RNASEH2B: variants seen among roughly 807,000 people sequenced by gnomAD.
The protein encoded by RNASEH2B is Aicardi-Goutieres syndrome 2 protein.
RNASEH2B carries 36 observed loss-of-function variants against 45.0 expected under a neutral mutation model. The ratio of observed to expected loss-of-function variants is 0.80; its 90% CI spans 0.61 to 1.06. The LOEUF (loss-of-function observed/expected upper bound fraction) is 1.06. RNASEH2B is among the 50% of genes least tolerant of loss of function. The probability of loss-of-function intolerance (pLI) is 0.00; values close to 1 mark genes in which losing one functional copy is unlikely to be tolerated. For missense variants in RNASEH2B, 361 were observed against 360.3 expected (o/e 1.00, Z -0.02); for synonymous variants, 119 against 125.7 (o/e 0.95, Z 0.35).
intron 9 of RNASEH2B, chr13:50,951,636 C>G (rs773612478): frequency 3.3e-5 from 5 of 152,154 alleles, no homozygotes; most frequent in Non-Finnish European, 7.3e-5. Flanking sequence ...TGTTCTCTTT[C>G]CAGAACTGTA....
At chr13:50,917,274 G>A (rs529379510) in intron 1 of RNASEH2B, among the ~76,000 whole-genome samples, 2 of 152,320 alleles carry the variant, frequency 1.3e-5, no homozygotes, top group East Asian at 1.9e-4. Flanking sequence ...CTACCACGTC[G>A]TTTCACCAGT....
Position 50,947,973 on chromosome 13 carries a change from TC to T in RNASEH2B, c.617-13del. On this transcript the variant is annotated splice_polypyrimidine_tract_variant and intron_variant, in intron 7 of 10. Transcript: ENST00000336617. ...TTTTTTTTTTGCTTTCACTCCTCCT[TC>T]TGTTTCTTTCAGAGGATTATATTCG... 1 of 1,608,684 alleles carries T rather than the reference TC, an allele frequency of 6.2e-7. No homozygotes were observed. Among genetic ancestry groups the T allele is most frequent in the Non-Finnish European group, 8.5e-7 (1 of 1,178,902 alleles).
chr13:50,924,982 C>G (rs1264634821), intron 1 of RNASEH2B, among the ~76,000 whole-genome samples: 1 of 151,850 alleles, frequency 6.6e-6, no homozygotes, highest in African/African-American at 2.4e-5. Context: ...GACTTACTTT[C>G]TTCAAGTTTT....
chr13:50,935,184 C>T (rs1951731974), intron 5 of RNASEH2B, 185 bp downstream of exon 5: 1 of 602,284 alleles, frequency 1.7e-6, no homozygotes, highest in African/African-American at 1.8e-5. Flanking sequence ...GTCTTTGGAA[C>T]TACAACCATG....
At chr13:50,956,210 G>A (rs1224473462) in intron 10 of RNASEH2B, 148 bp from the exon 11 acceptor site, 1 of 657,130 alleles carries the variant, frequency 1.5e-6, no homozygotes, top group Non-Finnish European at 2.6e-6. Flanking sequence ...ATAGAAATCA[G>A]AACTTTTTCA....
At chr13:50,949,260 A>C (rs1951945204) in intron 8 of RNASEH2B, 1 of 572,830 alleles carries the variant, frequency 1.7e-6, no homozygotes, top group African/African-American at 1.9e-5. Context: ...ACAACACCAA[A>C]ACAAGGACTT....
chr13:50,952,931 A>G (rs552168619), intron 9 of RNASEH2B: 5 of 152,092 alleles, frequency 3.3e-5, no homozygotes, highest in Non-Finnish European at 5.9e-5. Flanking sequence ...GGGATAAAAC[A>G]CCATGGGCTG....
intron 9 of RNASEH2B, among the ~76,000 whole-genome samples, chr13:50,968,130 C>T (rs1952183401): frequency 6.6e-6 from 1 of 152,040 alleles, no homozygotes. Context: ...TTTAAATTGA[C>T]CTTAGCTGGG....
At chr13:50,931,137 T>C (rs1333955896) in intron 4 of RNASEH2B, among the ~76,000 whole-genome samples, 1 of 152,198 alleles carries the variant, frequency 6.6e-6, no homozygotes, top group East Asian at 1.9e-4. Flanking sequence ...GTCTCTTCTT[T>C]AGTGAGAGAC....
intron 5 of RNASEH2B, chr13:50,942,030 G>A (rs1951838905): frequency 6.6e-6 from 1 of 152,220 alleles, no homozygotes; most frequent in Non-Finnish European, 1.5e-5. Flanking sequence ...ACCCTGAATG[G>A]GCAGTTTTCA....
intron 1 of RNASEH2B, chr13:50,913,249 T>C (rs1454716206): frequency 6.6e-6 from 1 of 152,212 alleles, no homozygotes; most frequent in Non-Finnish European, 1.5e-5. Context: ...TTTTGGAAAG[T>C]AGTATAAGTT....
chr13:50,961,429 T>C (rs775306774), downstream of RNASEH2B, among the ~76,000 whole-genome samples: 17 of 152,198 alleles, frequency 1.1e-4, no homozygotes, highest in Non-Finnish European at 2.4e-4. Flanking sequence ...GTGGGCTATA[T>C]TGCATTATTA....
At chr13:50,926,197 G>T (rs1951592943) in intron 1 of RNASEH2B, among the ~76,000 whole-genome samples, 1 of 151,860 alleles carries the variant, frequency 6.6e-6, no homozygotes, top group Admixed American at 6.6e-5. Flanking sequence ...ATTAGTTTAA[G>T]AAAAAATGGT....
At chr13:50,947,945 A>AT (rs752082343) in intron 7 of RNASEH2B, 42 bp from the exon 8 acceptor site, 16,404 of 1,165,338 alleles carry the variant, frequency 0.014, 5 homozygotes, top group African/African-American at 0.018. Flanking sequence ...CATAATTACT[A>AT]TTTTTTTTTT....
At chr13:50,928,321 G>A (rs559839920) in intron 2 of RNASEH2B, 1 of 152,252 alleles carries the variant, frequency 6.6e-6, no homozygotes, top group East Asian at 1.9e-4. Context: ...GTAAATAGAA[G>A]CAACAAGAGA....
intron 9 of RNASEH2B, among the ~76,000 whole-genome samples, chr13:50,962,041 G>A (rs1952117280): frequency 6.6e-6 from 1 of 152,080 alleles, no homozygotes; most frequent in South Asian, 2.1e-4. Flanking sequence ...TTGCATTCTT[G>A]AGATAATCCC....
At chr13:50,917,790 A>G (rs1879825505) in intron 1 of RNASEH2B, among the ~76,000 whole-genome samples, 1 of 152,154 alleles carries the variant, frequency 6.6e-6, no homozygotes, top group Admixed American at 6.5e-5. Flanking sequence ...GAGGACCAGG[A>G]AAGGCTGGTC....
chr13:50,930,732 C>T lies in RNASEH2B; in HGVS notation c.294C>T (p.Leu98=). The change falls in exon 4 of 11, where the codon CTC becomes CTT. Residue 98 remains leucine, a synonymous_variant. Transcript: ENST00000336617. The part of the protein sequence containing the change: ...ATPVDPLFLL[L]HYLIKADKEG... ...CTGTGGATCCTCTATTTCTGCTTCT[C>T]CACTACCTCATAAAGGCTGATAAGG... The T allele has an allele frequency of 7.4e-6, 12 of 1,613,814 alleles. No homozygotes were observed. Among genetic ancestry groups the T allele is most frequent in the Non-Finnish European group, 1.0e-5 (12 of 1,179,656 alleles).
chr13:50,910,422 C>G (rs1879298547), intron 1 of RNASEH2B: 1 of 314,980 alleles, frequency 3.2e-6, no homozygotes, highest in East Asian at 5.2e-5. Flanking sequence ...GGGAGCCACG[C>G]GGGTTCGCGG....
Sources: allele counts gnomAD v4.1 joint callset (sites outside exome capture counted in the v4.1 genomes callset), GRCh38; gene constraint gnomAD v4.1.1; transcripts MANE v1.5; gene names NCBI Gene and HGNC (gene_info 2026-07-23, HGNC 2026-07-21).